The following KCNC1 variants were observed in gnomAD, a reference collection of about 807,000 sequenced individuals.
The protein encoded by KCNC1 is potassium voltage-gated channel subfamily C member 1.
A neutral mutation model predicts 43.4 loss-of-function variants in KCNC1; 8 were observed. That is an observed-to-expected ratio of 0.18 (90% confidence interval 0.11 to 0.33). KCNC1 has a LOEUF of 0.33. Among genes scored for constraint, KCNC1 ranks in the 10% least tolerant of loss-of-function variants. The probability of loss-of-function intolerance (pLI) is 1.00; values close to 1 mark genes in which losing one functional copy is unlikely to be tolerated. For synonymous variants in KCNC1, 361 were observed against 360.5 expected (o/e 1.00, Z -0.01); for missense variants, 420 against 836.0 (o/e 0.50, Z 6.14).
chr11:17,775,696 G>T, intron 2 of KCNC1: 1 of 985,774 alleles, frequency 1.0e-6, no homozygotes, highest in Non-Finnish European at 1.2e-6. Context: ...CTCCGCTCCT[G>T]TGATGTGGGT....
chr11:17,735,909 A>G lies in KCNC1; in HGVS notation c.-94A>G, dbSNP rs562523282. ...CCCCGACGGCTGGGGGGAGGGGGGA[A>G]GAGGGCGCGCGCCCCCCTCCCCGGC... On this transcript the variant is annotated 5_prime_UTR_variant, in exon 1 of 4. Transcript: ENST00000265969. The surrounding 1 kb of genome is among the most constrained non-coding windows in gnomAD (Gnocchi z 6.7). 1.5e-4 allele frequency: 192 copies of G among 1,298,544 alleles called. No homozygotes were observed. In the East Asian group the frequency reaches 5.0e-3, roughly 34 times the overall value. The allele number at this position is 1,298,544 out of a possible 1,614,324, so 80.4% of individuals were successfully genotyped here. A position where few individuals can be genotyped will look rare whatever the true frequency, so the allele number is the denominator to read the frequency against.
In KCNC1 at chr11:17,779,666, AC is replaced by A; in HGVS notation, c.1693+24del. 1 of 1,491,180 alleles carries A rather than the reference AC, an allele frequency of 6.7e-7. No individual in the cohort carries two copies. Among genetic ancestry groups the A allele is most frequent in the South Asian group, 1.3e-5 (1 of 75,848 alleles). 92.4% of individuals were successfully genotyped at this position (1,491,180 alleles called of 1,614,324 possible). A position where few individuals can be genotyped will look rare whatever the true frequency, so the allele number is the denominator to read the frequency against. The stretch of plus-strand genomic sequence containing the variant: ...AAGGGTATGTAGAGGAAGCTGGAGC[AC>A]CGTGCATCGTCCGGGCCGCCTCGCG... On this transcript the variant is annotated intron_variant, in intron 3 of 3. Coordinates refer to ENST00000265969, the MANE Select transcript of KCNC1 (RefSeq NM_001112741.2). The surrounding 1 kb of genome is among the most constrained non-coding windows in gnomAD (Gnocchi z 7.2).
Position 17,779,743 on chromosome 11 carries a change from C to A in KCNC1, c.1693+99C>A. On this transcript the variant is annotated intron_variant, in intron 3 of 3. Transcript: ENST00000265969. This position sits in a 1 kb window ranked among gnomAD's most constrained non-coding sequence, Gnocchi z 7.2. ...GCGGGCAAGGGCGCTGAGGGGCAGG[C>A]AGGCACACCGAGGGGGGCAAGGATG... The A allele has an allele frequency of 1.0e-6, 1 of 987,710 alleles. No homozygotes were observed. Among genetic ancestry groups the A allele is most frequent in the Non-Finnish European group, 1.4e-6 (1 of 717,456 alleles). The allele number at this position is 987,710 out of a possible 1,614,324, so 61.2% of individuals were successfully genotyped here.
In KCNC1 at chr11:17,776,155, A is replaced by G. The variant is rs944137688; in HGVS notation, c.1505-3301A>G. ...AATGAAGTGACGCCAGGGGCCAGGCATGGGTGTTCTTTTCCGTGTTGTTCA... is the reference window on the plus strand; with the variant it reads ...AATGAAGTGACGCCAGGGGCCAGGCGTGGGTGTTCTTTTCCGTGTTGTTCA... On this transcript the variant is annotated intron_variant, in intron 2 of 3. Transcript: ENST00000265969. This position sits in a 1 kb window ranked among gnomAD's most constrained non-coding sequence, Gnocchi z 4.4. 2.0e-6 allele frequency: 2 copies of G among 985,394 alleles called. No homozygotes were observed. The highest frequency in any genetic ancestry group is 2.4e-6 in the Non-Finnish European group (2 of 829,962). 61.0% of individuals were successfully genotyped at this position (985,394 alleles called of 1,614,324 possible).
intron 1 of KCNC1, among the ~76,000 whole-genome samples, chr11:17,748,903 G>T (rs1384706673): frequency 6.6e-6 from 1 of 152,178 alleles, no homozygotes; most frequent in Admixed American, 6.5e-5. Flanking sequence ...GGAGATGGTG[G>T]GTCCCATACA....
Position 17,735,942 on chromosome 11 carries a change from C to A in KCNC1, c.-61C>A, listed in dbSNP as rs1848760290. ...CGCGCCCCCCTCCCCGGCGCCAACT[C>A]CCCCTGGCGGCCGCTCCCATGGGTG... On this transcript the variant is annotated 5_prime_UTR_variant, in exon 1 of 4. Coordinates refer to ENST00000265969, the MANE Select transcript of KCNC1 (RefSeq NM_001112741.2). This position sits in a 1 kb window ranked among gnomAD's most constrained non-coding sequence, Gnocchi z 6.7. 7.2e-7 allele frequency: 1 copy of A among 1,381,032 alleles called. No individual in the cohort carries two copies. Among genetic ancestry groups the A allele is most frequent in the Non-Finnish European group, 9.3e-7 (1 of 1,075,842 alleles). 85.5% of individuals were successfully genotyped at this position (1,381,032 alleles called of 1,614,324 possible). A position where few individuals can be genotyped will look rare whatever the true frequency, so the allele number is the denominator to read the frequency against.
At position 17,735,633 on chromosome 11, in the gene KCNC1, C is replaced by T. The variant is rs1848754230; in HGVS notation, c.-370C>T. On this transcript the variant is annotated 5_prime_UTR_variant, in exon 1 of 4. Coordinates refer to ENST00000265969, the MANE Select transcript of KCNC1 (RefSeq NM_001112741.2). The surrounding 1 kb of genome is among the most constrained non-coding windows in gnomAD (Gnocchi z 6.7). ...CCCCCAACCCATTTTCCCCACCTCCCGGGGCTCGCTGCTGAGCCCGCCCCC... is the reference window on the plus strand; with the variant it reads ...CCCCCAACCCATTTTCCCCACCTCCTGGGGCTCGCTGCTGAGCCCGCCCCC... The T allele has an allele frequency of 5.3e-6, 1 of 188,740 alleles. No homozygotes were observed. 11.7% of individuals were successfully genotyped at this position (188,740 alleles called of 1,614,324 possible). A position where few individuals can be genotyped will look rare whatever the true frequency, so the allele number is the denominator to read the frequency against.
At position 17,739,612 on chromosome 11, in the gene KCNC1, CGTGA is replaced by C. The variant is rs1565153906; in HGVS notation, c.570+3044_570+3047del. Reference sequence around the variant, plus strand: ...GTGAGAGTCGAGGTGAGTGTGTCTGCGTGAGTGTGTGGCTGTGTGTGGCAAGTGT... The same window carrying C: ...GTGAGAGTCGAGGTGAGTGTGTCTGCGTGTGTGGCTGTGTGTGGCAAGTGT... On this transcript the variant is annotated intron_variant, in intron 1 of 3. Transcript: ENST00000265969. This position sits in a 1 kb window ranked among gnomAD's most constrained non-coding sequence, Gnocchi z 4.2. Among the ~76,000 whole-genome samples, 1 of 148,446 alleles carries C rather than the reference CGTGA, an allele frequency of 6.7e-6. No individual in the cohort carries two copies. The highest frequency in any genetic ancestry group is 2.0e-4 in the East Asian group (1 of 4,988).
At chr11:17,753,712 AGG>A (rs1275761524) in intron 1 of KCNC1, among the ~76,000 whole-genome samples, 61 of 137,610 alleles carry the variant, frequency 4.4e-4, no homozygotes, top group Admixed American at 3.1e-3. Context: ...GGGGGTGGGG[AGG>A]GGGCGGGTGG....
intron 1 of KCNC1, among the ~76,000 whole-genome samples, chr11:17,747,257 T>C (rs1477091725): frequency 6.6e-6 from 1 of 152,164 alleles, no homozygotes; most frequent in Non-Finnish European, 1.5e-5. Flanking sequence ...TCACAACCCC[T>C]GTGAGCCTCG....
chr11:17,775,066 G>A, intron 2 of KCNC1: 1 of 985,530 alleles, frequency 1.0e-6, no homozygotes. Flanking sequence ...GTTGGGGTGA[G>A]TTTGTGGGAG....
intron 1 of KCNC1, among the ~76,000 whole-genome samples, chr11:17,737,649 C>T (rs60835408): frequency 0.25 from 37,310 of 152,094 alleles, 6,453 homozygotes; most frequent in African/African-American, 0.5. Flanking sequence ...CACTCCCAGC[C>T]TTCACTGGGC....
rs117701709 is a variant in KCNC1 at position 17,780,023 on chromosome 11, T to G, written c.1693+379T>G. 8.0e-3 allele frequency: 1,367 copies of G among 170,666 alleles called. 8 individuals carry two copies. The highest frequency in any genetic ancestry group is 0.011 in the Non-Finnish European group (904 of 80,434). 10.6% of individuals were successfully genotyped at this position (170,666 alleles called of 1,614,324 possible). On this transcript the variant is annotated intron_variant, in intron 3 of 3. Transcript: ENST00000265969. ...AGGCAAAGTGATCTCTCCTCTCCCCTGATTGAGGAGGGCAGTGGAGTGGGC... is the reference window on the plus strand; with the variant it reads ...AGGCAAAGTGATCTCTCCTCTCCCCGGATTGAGGAGGGCAGTGGAGTGGGC...
chr11:17,775,139 T>C, intron 2 of KCNC1: 1 of 985,316 alleles, frequency 1.0e-6, no homozygotes, highest in Non-Finnish European at 1.2e-6. Flanking sequence ...TTGTGAGAGA[T>C]GAGATGCAGC....
chr11:17,768,072 C>T (rs1186049390), intron 1 of KCNC1, among the ~76,000 whole-genome samples: 1 of 152,174 alleles, frequency 6.6e-6, no homozygotes, highest in African/African-American at 2.4e-5. Context: ...TGGGCTGTTC[C>T]TGTGAGCCTC....
At chr11:17,746,824 G>C (rs567124091) in intron 1 of KCNC1, among the ~76,000 whole-genome samples, 1 of 151,996 alleles carries the variant, frequency 6.6e-6, no homozygotes, top group Non-Finnish European at 1.5e-5. Flanking sequence ...GCCTTCGATC[G>C]AATCCCAGCC....
rs1284780031 is a variant in KCNC1 at position 17,779,703 on chromosome 11, T to C, written c.1693+59T>C. 7.4e-7 allele frequency: 1 copy of C among 1,345,796 alleles called. No homozygotes were observed. The allele number at this position is 1,345,796 out of a possible 1,614,324, so 83.4% of individuals were successfully genotyped here. On this transcript the variant is annotated intron_variant, in intron 3 of 3. Coordinates refer to ENST00000265969, the MANE Select transcript of KCNC1 (RefSeq NM_001112741.2). This position sits in a 1 kb window ranked among gnomAD's most constrained non-coding sequence, Gnocchi z 7.2. ...CCGGGCCGCCTCGCGCTCCTGCAGA[T>C]GGGTGGGCAGGGCGGCGGGCAAGGG...
In KCNC1 at chr11:17,773,381, C is replaced by T. The variant is rs545018564; in HGVS notation, c.1504+783C>T. 1.7e-5 allele frequency: 17 copies of T among 985,364 alleles called. No individual in the cohort carries two copies. The highest frequency in any genetic ancestry group is 5.2e-4 in the Middle Eastern group (1 of 1,916). 61.0% of individuals were successfully genotyped at this position (985,364 alleles called of 1,614,324 possible). On this transcript the variant is annotated intron_variant, in intron 2 of 3. Coordinates refer to ENST00000265969, the MANE Select transcript of KCNC1 (RefSeq NM_001112741.2). This position sits in a 1 kb window ranked among gnomAD's most constrained non-coding sequence, Gnocchi z 4.1. ...GGAGTTTCCGGTGACCCGATGGAAG[C>T]GGCTGCCGAGCAAAAGACTAGAGGG...
At chr11:17,738,249 T>A (rs1232155721) in intron 1 of KCNC1, among the ~76,000 whole-genome samples, 1 of 151,988 alleles carries the variant, frequency 6.6e-6, no homozygotes, top group Admixed American at 6.6e-5. Flanking sequence ...CTCAGAGGGC[T>A]TCCCTCCCCT....
Sources: allele counts gnomAD v4.1 joint callset (sites outside exome capture counted in the v4.1 genomes callset), GRCh38; gene constraint gnomAD v4.1.1; non-coding constraint Gnocchi (gnomAD v3.1); transcripts MANE v1.5; gene names NCBI Gene and HGNC (gene_info 2026-07-23, HGNC 2026-07-21).